The following CRACDL variants were observed in gnomAD, a reference collection of about 807,000 sequenced individuals.
The protein encoded by CRACDL is CRACD-like protein.
CRACDL carries 26 observed loss-of-function variants against 70.6 expected under a neutral mutation model. That is an observed-to-expected ratio of 0.37 (90% CI 0.27 to 0.51). The LOEUF (loss-of-function observed/expected upper bound fraction) is 0.51, where lower values mean the gene tolerates loss of function less well. Among genes scored for constraint, CRACDL ranks in the 20% least tolerant of loss-of-function variants. The pLI is 0.94. For synonymous variants in CRACDL, 618 were observed against 615.2 expected (o/e 1.00, Z -0.07); for missense variants, 1,283 against 1,376.9 (o/e 0.93, Z 1.08).
chr2:98,815,591 A>G lies in CRACDL; in HGVS notation c.2416+6266T>C, dbSNP rs571532717. 1.2e-4 allele frequency among the ~76,000 whole-genome samples: 18 copies of G among 152,286 alleles called. 1 individual carries two copies. The South Asian group carries it at 3.1e-3, about 26-fold the overall frequency. ...GCTGTCTGTGCTAATACGGGGGTATAGCTTCATTTTTGGGTTTCTCTGGGG... is the reference window on the plus strand; with the variant it reads ...GCTGTCTGTGCTAATACGGGGGTATGGCTTCATTTTTGGGTTTCTCTGGGG... On this transcript the variant is annotated intron_variant, in intron 7 of 9. Coordinates refer to ENST00000397899, the MANE Select transcript of CRACDL (RefSeq NM_207362.3).
intron 3 of CRACDL, among the ~76,000 whole-genome samples, chr2:98,833,588 C>T (rs1176741072): frequency 6.6e-6 from 1 of 152,224 alleles, no homozygotes; most frequent in Admixed American, 6.5e-5. Flanking sequence ...CTGCCTAGAT[C>T]CTGGAGCAGA....
intron 1 of CRACDL, among the ~76,000 whole-genome samples, chr2:98,935,362 T>C (rs1170855468): frequency 6.6e-6 from 1 of 152,200 alleles, no homozygotes; most frequent in Non-Finnish European, 1.5e-5. Context: ...ACATGTGAAC[T>C]TCATACCGAA....
At chr2:98,878,498 T>C (rs1034807873) in intron 1 of CRACDL, among the ~76,000 whole-genome samples, 1 of 152,234 alleles carries the variant, frequency 6.6e-6, no homozygotes, top group African/African-American at 2.4e-5. Flanking sequence ...CGTAAGCATA[T>C]TACATGATGT....
intron 1 of CRACDL, among the ~76,000 whole-genome samples, chr2:98,867,243 A>G (rs1450560769): frequency 6.6e-6 from 1 of 152,232 alleles, no homozygotes; most frequent in Admixed American, 6.5e-5. Context: ...TTTAGAAACT[A>G]CCTACATAAC....
intron 1 of CRACDL, among the ~76,000 whole-genome samples, chr2:98,915,494 A>C (rs1037937907): frequency 6.6e-6 from 1 of 152,076 alleles, no homozygotes; most frequent in Non-Finnish European, 1.5e-5. Context: ...GCCCTGGAGG[A>C]GCTGCCTGGG....
chr2:98,858,789 CAAT>C (rs1290657958), intron 1 of CRACDL, among the ~76,000 whole-genome samples: 1 of 151,714 alleles, frequency 6.6e-6, no homozygotes, highest in African/African-American at 2.4e-5. Context: ...TTGCTAAAAC[CAAT>C]AATAAGAAGG....
intron 1 of CRACDL, among the ~76,000 whole-genome samples, chr2:98,894,807 A>G (rs889770350): frequency 2.0e-5 from 3 of 152,178 alleles, no homozygotes; most frequent in African/African-American, 7.2e-5. Flanking sequence ...GATGTCACTG[A>G]TTACATTCCT....
At chr2:98,925,893 A>ACG (rs1708899621) in intron 1 of CRACDL, among the ~76,000 whole-genome samples, 2 of 152,074 alleles carry the variant, frequency 1.3e-5, no homozygotes, top group Admixed American at 1.3e-4. Context: ...ATGCATACAC[A>ACG]CACACACACT....
At chr2:98,923,333 T>C (rs1708846990) in intron 1 of CRACDL, among the ~76,000 whole-genome samples, 1 of 152,046 alleles carries the variant, frequency 6.6e-6, no homozygotes, top group African/African-American at 2.4e-5. Flanking sequence ...TTAGGCTATA[T>C]TCTGCTAATT....
Position 98,933,694 on chromosome 2 carries a change from G to A in CRACDL, c.-11+2244C>T, listed in dbSNP as rs115343716. ...GAGCCAGTGACTGCAAGGTAGCTAA[G>A]TCAAATCCAGGCCCACCAGGACATC... On this transcript the variant is annotated intron_variant, in intron 1 of 9. Transcript: ENST00000397899. Among the ~76,000 whole-genome samples the A allele has an allele frequency of 6.1e-3, 925 of 152,288 alleles. 9 individuals carry two copies. Among genetic ancestry groups the A allele is most frequent in the African/African-American group, 0.021 (876 of 41,562 alleles).
intron 1 of CRACDL, among the ~76,000 whole-genome samples, chr2:98,900,344 G>A (rs1708245626): frequency 6.7e-6 from 1 of 148,966 alleles, no homozygotes; most frequent in African/African-American, 2.5e-5. Flanking sequence ...CAGTAGGAGG[G>A]GAGGCAGAGG....
intron 6 of CRACDL, among the ~76,000 whole-genome samples, chr2:98,824,735 C>T (rs562750730): frequency 9.8e-5 from 15 of 152,288 alleles, no homozygotes; most frequent in Non-Finnish European, 2.2e-4. Flanking sequence ...ATTATTTTAA[C>T]ATTTTTCATG....
intron 1 of CRACDL, among the ~76,000 whole-genome samples, chr2:98,932,004 A>C (rs1187847368): frequency 1.3e-5 from 2 of 152,236 alleles, no homozygotes; most frequent in Non-Finnish European, 2.9e-5. Context: ...AGGACTCTTA[A>C]TCTGACCTAA....
At chr2:98,867,816 T>C (rs1419759342) in intron 1 of CRACDL, among the ~76,000 whole-genome samples, 2 of 152,216 alleles carry the variant, frequency 1.3e-5, no homozygotes, top group African/African-American at 4.8e-5. Flanking sequence ...GCTGGCTTAT[T>C]TTTAACTTCA....
intron 1 of CRACDL, among the ~76,000 whole-genome samples, chr2:98,859,203 T>G (rs1288124238): frequency 1.3e-5 from 2 of 152,136 alleles, no homozygotes; most frequent in Non-Finnish European, 2.9e-5. Context: ...GACCAATATC[T>G]CTTATGCATA....
chr2:98,796,901 AGCTCC>A (rs1166689698), intron 8 of CRACDL, among the ~76,000 whole-genome samples: 1 of 152,212 alleles, frequency 6.6e-6, no homozygotes, highest in African/African-American at 2.4e-5. Flanking sequence ...AGGAATGAGG[AGCTCC>A]AGCATGTGGC....
intron 2 of CRACDL, among the ~76,000 whole-genome samples, chr2:98,844,967 A>C (rs1447883418): frequency 6.6e-6 from 1 of 152,188 alleles, no homozygotes; most frequent in East Asian, 1.9e-4. Flanking sequence ...CCTAGTTCAC[A>C]CCTACTCAGA....
intron 1 of CRACDL, among the ~76,000 whole-genome samples, chr2:98,926,276 G>C (rs1708906289): frequency 6.6e-6 from 1 of 152,160 alleles, no homozygotes. Context: ...GGGTTCCCCA[G>C]ACAGGCCTAA....
intron 8 of CRACDL, 138 bp from the exon 9 acceptor site, chr2:98,796,402 G>A (rs1703823917): frequency 2.6e-6 from 2 of 776,246 alleles, no homozygotes; most frequent in Admixed American, 2.4e-5. Context: ...GCGCCCTGGT[G>A]TCAGCTCACT....
Sources: gnomAD v4.1 joint callset for allele counts (sites outside exome capture counted in the v4.1 genomes callset) on GRCh38, gnomAD v4.1.1 for gene constraint, MANE v1.5 for transcripts, NCBI Gene and HGNC (gene_info 2026-07-23, HGNC 2026-07-21) for gene names.